Variants in PRIM2 observed in about 807,000 individuals in gnomAD.
PRIM2 encodes the protein DNA primase subunit 2.
A neutral mutation model predicts 67.3 loss-of-function variants in PRIM2; 39 were observed. The observed-to-expected ratio is 0.58, with a 90% CI of 0.45 to 0.76. The LOEUF is 0.76. Among genes scored for constraint, PRIM2 ranks in the 30% least tolerant of loss-of-function variants. The pLI is 0.00. For missense variants in PRIM2, 398 were observed against 598.7 expected (o/e 0.66, Z 3.50); for synonymous variants, 143 against 198.7 (o/e 0.72, Z 2.36).
chr6:57,246,979 C>T, the PRIM2 span, among the ~76,000 whole-genome samples: 1 of 152,060 alleles, frequency 6.6e-6, no homozygotes, highest in Non-Finnish European at 1.5e-5. Flanking sequence ...CTCAGCCTCC[C>T]GAGTAGCTGG....
At chr6:57,260,148 T>C in the PRIM2 span, among the ~76,000 whole-genome samples, 1 of 152,134 alleles carries the variant, frequency 6.6e-6, no homozygotes, top group Non-Finnish European at 1.5e-5. Flanking sequence ...AGATATAGTA[T>C]AGGAAAGAAT....
At chr6:57,334,313 G>A (rs944328291) in intron 5 of PRIM2, among the ~76,000 whole-genome samples, 37 of 151,694 alleles carry the variant, frequency 2.4e-4, no homozygotes, top group African/African-American at 6.8e-4. Context: ...TGTATCTATC[G>A]GTGGACACTT....
intron 8 of PRIM2, among the ~76,000 whole-genome samples, chr6:57,516,984 T>G (rs1373660449): frequency 1.9e-4 from 29 of 152,314 alleles, no homozygotes; most frequent in African/African-American, 7.0e-4. Flanking sequence ...GTTTTGTAGC[T>G]TATCTCCAAC....
rs1395947268 is a variant in PRIM2, at chr6:57,624,404, C to G, written c.1231-7729C>G. Among the ~76,000 whole-genome samples the G allele has an allele frequency of 9.1e-4, 139 of 152,280 alleles. 1 individual carries two copies. Among genetic ancestry groups the G allele is most frequent in the African/African-American group, 3.2e-3 (132 of 41,568 alleles). On this transcript the variant is annotated intron_variant, in intron 12 of 13. Transcript: ENST00000615550. ...TTTTGGGTAGCAGGTTAAATTGCTT[C>G]TCAACAATCCTTTTATTGGTACCTA... is the stretch of plus-strand genomic sequence containing the variant.
the PRIM2 span, among the ~76,000 whole-genome samples, chr6:57,263,565 T>G: frequency 6.6e-6 from 1 of 152,184 alleles, no homozygotes; most frequent in Non-Finnish European, 1.5e-5. Context: ...CCCACTCTAG[T>G]AACCTCATTT....
chr6:57,458,246 A>G (rs1772874718), intron 7 of PRIM2, among the ~76,000 whole-genome samples: 2 of 152,218 alleles, frequency 1.3e-5, no homozygotes, highest in Non-Finnish European at 2.9e-5. Flanking sequence ...CATTGCAGAA[A>G]AAAACATCAT....
chr6:57,296,635 G>T, the PRIM2 span, among the ~76,000 whole-genome samples: 1 of 151,794 alleles, frequency 6.6e-6, no homozygotes, highest in African/African-American at 2.4e-5. Context: ...TGGTGGTAGG[G>T]GAGCAGTAGT....
At chr6:57,397,012 G>A (rs1770539157) in intron 7 of PRIM2, among the ~76,000 whole-genome samples, 1 of 152,194 alleles carries the variant, frequency 6.6e-6, no homozygotes, top group Admixed American at 6.5e-5. Context: ...CTTCTAGCCT[G>A]TATGGTTTCT....
chr6:57,533,609 T>C, intron 9 of PRIM2, among the ~76,000 whole-genome samples: 1 of 152,224 alleles, frequency 6.6e-6, no homozygotes, highest in Non-Finnish European at 1.5e-5. Flanking sequence ...TCTCTAACAG[T>C]CCACTTTCTC....
At chr6:57,331,395 G>C (rs922785420) in intron 5 of PRIM2, among the ~76,000 whole-genome samples, 3 of 152,036 alleles carry the variant, frequency 2.0e-5, no homozygotes, top group Non-Finnish European at 2.9e-5. Context: ...TCTATATCTG[G>C]TTTTGGTATT....
chr6:57,626,942 A>G (rs1776958546), intron 12 of PRIM2, among the ~76,000 whole-genome samples: 1 of 151,846 alleles, frequency 6.6e-6, no homozygotes, highest in South Asian at 2.1e-4. Context: ...TAAAAACTGT[A>G]ATATTCTTAC....
intron 7 of PRIM2, among the ~76,000 whole-genome samples, chr6:57,494,189 AC>A (rs1457211255): frequency 1.1e-3 from 160 of 152,340 alleles, no homozygotes; most frequent in African/African-American, 3.8e-3. Context: ...ATAGTATGTC[AC>A]AGTGGTCTAG....
At chr6:57,243,339 A>C in the PRIM2 span, among the ~76,000 whole-genome samples, 3 of 152,354 alleles carry the variant, frequency 2.0e-5, no homozygotes, top group South Asian at 2.1e-4. Context: ...GGCTGTGTAC[A>C]TATGAGAAAG....
upstream of PRIM2, among the ~76,000 whole-genome samples, chr6:57,312,784 A>G (rs1767411431): frequency 6.6e-6 from 1 of 152,196 alleles, no homozygotes; most frequent in South Asian, 2.1e-4. Context: ...TCAAGACCAT[A>G]AAGACCGTCT....
chr6:57,575,057 G>A (rs1435068327), intron 10 of PRIM2, among the ~76,000 whole-genome samples: 50 of 152,192 alleles, frequency 3.3e-4, no homozygotes, highest in African/African-American at 1.1e-3. Context: ...CTAGAGTCAG[G>A]TATACCCAAC....
chr6:57,229,551 G>A, the PRIM2 span, among the ~76,000 whole-genome samples: 5 of 151,348 alleles, frequency 3.3e-5, no homozygotes, highest in Admixed American at 1.3e-4. Flanking sequence ...GCAGTGGTGC[G>A]ATCTTGGCTC....
chr6:57,504,352 A>G (rs1479249389), intron 7 of PRIM2, among the ~76,000 whole-genome samples: 1 of 152,220 alleles, frequency 6.6e-6, no homozygotes, highest in Non-Finnish European at 1.5e-5. Context: ...TTTTGTAACC[A>G]GATAGATGTC....
At chr6:57,427,876 A>G (rs1463385682) in intron 7 of PRIM2, among the ~76,000 whole-genome samples, 1 of 152,192 alleles carries the variant, frequency 6.6e-6, no homozygotes, top group Non-Finnish European at 1.5e-5. Flanking sequence ...CCTTGAAATA[A>G]GAATACTATA....
chr6:57,292,787 T>C, the PRIM2 span, among the ~76,000 whole-genome samples: 1 of 152,222 alleles, frequency 6.6e-6, no homozygotes, highest in Non-Finnish European at 1.5e-5. Flanking sequence ...GCTAGTTATA[T>C]GTAGAAAGCT....
Sources: allele counts gnomAD v4.1 joint callset (sites outside exome capture counted in the v4.1 genomes callset), GRCh38; gene constraint gnomAD v4.1.1; transcripts MANE v1.5; gene names NCBI Gene and HGNC (gene_info 2026-07-23, HGNC 2026-07-21).